Variants in PRDM6 observed in about 807,000 individuals in gnomAD.
PRDM6 encodes the protein PR/SET domain 6, also known as putative histone-lysine N-methyltransferase PRDM6.
In PRDM6, 25 loss-of-function variants were observed where a neutral mutation model predicts 60.8. That is an observed-to-expected ratio of 0.41 (90% CI 0.30 to 0.57). PRDM6 has a LOEUF of 0.57. Among genes scored for constraint, PRDM6 ranks in the 20% least tolerant of loss-of-function variants. The probability of loss-of-function intolerance (pLI) is 0.27; values close to 1 mark genes in which losing one functional copy is unlikely to be tolerated. For synonymous variants in PRDM6, 407 were observed against 357.4 expected (o/e 1.14, Z -1.57); for missense variants, 839 against 821.3 (o/e 1.02, Z -0.26).
chr5:123,164,621 C>T (rs335877), intron 5 of PRDM6, among the ~76,000 whole-genome samples: 8,013 of 152,240 alleles, frequency 0.053, 236 homozygotes, highest in African/African-American at 0.076. Context: ...TTCTGCAAGA[C>T]TCCAACAAGA....
chr5:123,168,914 C>T (rs557755909), intron 5 of PRDM6, among the ~76,000 whole-genome samples: 9 of 152,358 alleles, frequency 5.9e-5, no homozygotes, highest in African/African-American at 2.2e-4. Flanking sequence ...TCCACTTGAG[C>T]ACAGAGCTTC....
At chr5:123,162,795 G>C (rs1236536079) in intron 5 of PRDM6, among the ~76,000 whole-genome samples, 3 of 152,176 alleles carry the variant, frequency 2.0e-5, no homozygotes, top group African/African-American at 7.2e-5. Flanking sequence ...CAGATCGTGT[G>C]GGGGAGATAT....
Position 123,144,149 on chromosome 5 carries a change from A to G in PRDM6, c.901-11735A>G, listed in dbSNP as rs141821198. ...AGGAGGAGCTGGGGTTGCCCGTGTC[A>G]CCAGAATCCCTCGCCTTCTCCTTTG... On this transcript the variant is annotated intron_variant, in intron 3 of 7. Coordinates refer to ENST00000407847, the MANE Select transcript of PRDM6 (RefSeq NM_001136239.4). Among the ~76,000 whole-genome samples the G allele has an allele frequency of 7.3e-3, 1,114 of 152,232 alleles. 13 individuals carry two copies. Among genetic ancestry groups the G allele is most frequent in the African/African-American group, 0.026 (1,072 of 41,526 alleles).
intron 3 of PRDM6, among the ~76,000 whole-genome samples, chr5:123,119,794 C>A (rs1418613572): frequency 6.6e-6 from 1 of 152,154 alleles, no homozygotes; most frequent in East Asian, 1.9e-4. Flanking sequence ...GCAGTAATAT[C>A]TTTTGTTTGG....
intron 6 of PRDM6, among the ~76,000 whole-genome samples, chr5:123,174,127 C>G (rs761208279): frequency 1.3e-5 from 2 of 152,194 alleles, no homozygotes; most frequent in Non-Finnish European, 2.9e-5. Flanking sequence ...ATTATACTCA[C>G]TGGATTAGCA....
At chr5:123,161,851 C>CG (rs1765638914) in intron 5 of PRDM6, among the ~76,000 whole-genome samples, 4 of 152,054 alleles carry the variant, frequency 2.6e-5, no homozygotes, top group Non-Finnish European at 4.4e-5. Flanking sequence ...AGGAATAATC[C>CG]CTGAGTGGAG....
chr5:123,171,256 T>A, intron 6 of PRDM6, 148 bp downstream of exon 6: 1 of 684,890 alleles, frequency 1.5e-6, no homozygotes, highest in Non-Finnish European at 2.4e-6. Flanking sequence ...GCAAGACCAC[T>A]GCTTGACTTT....
chr5:123,139,369 C>A (rs1765046125), intron 3 of PRDM6, among the ~76,000 whole-genome samples: 1 of 151,976 alleles, frequency 6.6e-6, no homozygotes, highest in Non-Finnish European at 1.5e-5. Context: ...TATAGAATCT[C>A]TTGGTGGATT....
At chr5:123,109,181 A>G (rs1231578302) in intron 3 of PRDM6, among the ~76,000 whole-genome samples, 1 of 117,428 alleles carries the variant, frequency 8.5e-6, no homozygotes, top group Non-Finnish European at 1.8e-5. Flanking sequence ...TCCTTTTTAT[A>G]CATGAAAGTG....
chr5:123,091,821 T>G (rs561433757), intron 2 of PRDM6, among the ~76,000 whole-genome samples: 2 of 152,376 alleles, frequency 1.3e-5, no homozygotes, highest in African/African-American at 4.8e-5. Context: ...TTTTATTCAA[T>G]TTTGAATAAG....
chr5:123,129,628 A>G (rs1262896123), intron 3 of PRDM6, among the ~76,000 whole-genome samples: 2 of 152,214 alleles, frequency 1.3e-5, no homozygotes, highest in African/African-American at 4.8e-5. Context: ...AAGTATGGCA[A>G]AAATCTCCTG....
Position 123,122,449 on chromosome 5 carries a change from C to T in PRDM6, c.900+22488C>T, listed in dbSNP as rs1427603759. Among the ~76,000 whole-genome samples, 5 of 152,170 alleles carry T rather than the reference C, an allele frequency of 3.3e-5. No homozygotes were observed. The South Asian group carries it at 8.3e-4, about 25-fold the overall frequency. On this transcript the variant is annotated intron_variant, in intron 3 of 7. Transcript: ENST00000407847. ...TTTTATTTATTGGATTTCTCTGAAG[C>T]GGGACTAACTTCTTCTTTGGGTGAT...
At chr5:123,164,193 G>C (rs1293359684) in intron 5 of PRDM6, among the ~76,000 whole-genome samples, 3 of 152,178 alleles carry the variant, frequency 2.0e-5, no homozygotes, top group African/African-American at 7.2e-5. Context: ...ATCAAACACT[G>C]TGCAGATGCT....
chr5:123,113,177 C>T (rs1267089442), intron 3 of PRDM6, among the ~76,000 whole-genome samples: 2 of 152,142 alleles, frequency 1.3e-5, no homozygotes, highest in African/African-American at 2.4e-5. Flanking sequence ...AATACTGATG[C>T]ATTACTATGA....
At chr5:123,171,991 A>G (rs969875266) in intron 6 of PRDM6, among the ~76,000 whole-genome samples, 2 of 152,232 alleles carry the variant, frequency 1.3e-5, no homozygotes, top group African/African-American at 4.8e-5. Flanking sequence ...GTATCTAAGA[A>G]TAGCATTCAA....
At chr5:123,091,334 C>T (rs1280107345) in intron 2 of PRDM6, among the ~76,000 whole-genome samples, 3 of 152,226 alleles carry the variant, frequency 2.0e-5, no homozygotes, top group Non-Finnish European at 4.4e-5. Context: ...GCACCTTTGA[C>T]CCCGCAAACA....
At chr5:123,115,297 A>G (rs909924242) in intron 3 of PRDM6, among the ~76,000 whole-genome samples, 3 of 152,180 alleles carry the variant, frequency 2.0e-5, no homozygotes, top group Admixed American at 2.0e-4. Context: ...TCTGTGAACC[A>G]TGGGGCCTTT....
intron 5 of PRDM6, among the ~76,000 whole-genome samples, chr5:123,164,191 C>T (rs1321050395): frequency 6.6e-6 from 1 of 152,174 alleles, no homozygotes; most frequent in African/African-American, 2.4e-5. Flanking sequence ...ATATCAAACA[C>T]TGTGCAGATG....
intron 3 of PRDM6, among the ~76,000 whole-genome samples, chr5:123,122,585 C>G (rs1000972796): frequency 6.6e-6 from 1 of 152,084 alleles, no homozygotes; most frequent in Non-Finnish European, 1.5e-5. Flanking sequence ...ACTTAAATCC[C>G]TCAATGTGTT....
Sources: gnomAD v4.1 joint callset for allele counts (sites outside exome capture counted in the v4.1 genomes callset) on GRCh38, gnomAD v4.1.1 for gene constraint, MANE v1.5 for transcripts, NCBI Gene and HGNC (gene_info 2026-07-23, HGNC 2026-07-21) for gene names.